TRIM2: variants seen among roughly 807,000 people sequenced by gnomAD.
The protein encoded by TRIM2 is tripartite motif-containing protein 2.
A neutral mutation model predicts 75.2 loss-of-function variants in TRIM2; 20 were observed. That is an observed-to-expected ratio of 0.27 (90% CI 0.19 to 0.39). The LOEUF (loss-of-function observed/expected upper bound fraction) is 0.39, where lower values mean the gene tolerates loss of function less well. Ranked by LOEUF, TRIM2 falls within the 10% of genes least tolerant of loss-of-function variation. The pLI is 1.00. For synonymous variants in TRIM2, 373 were observed against 388.3 expected, an observed-to-expected ratio of 0.96 and a Z score of 0.46; for missense variants, 660 against 990.8, an observed-to-expected ratio of 0.67 and a Z score of 4.48.
intron 11 of TRIM2, among the ~76,000 whole-genome samples, chr4:153,331,379 C>A (rs1047549828): frequency 3.3e-5 from 5 of 151,860 alleles, no homozygotes; most frequent in Non-Finnish European, 7.4e-5. Context: ...ACAGTGAAAA[C>A]CAAAATTAAA....
chr4:153,170,130 G>C (rs1422512247), intron 1 of TRIM2, among the ~76,000 whole-genome samples: 2 of 152,082 alleles, frequency 1.3e-5, no homozygotes, highest in Admixed American at 6.6e-5. Context: ...GAAGAAGAAG[G>C]AGAAGGAGGA....
intron 6 of TRIM2, among the ~76,000 whole-genome samples, chr4:153,314,910 C>A (rs1767261364): frequency 6.6e-6 from 1 of 152,128 alleles, no homozygotes; most frequent in Non-Finnish European, 1.5e-5. Context: ...AAATAAGGCC[C>A]TTTCCTGTTG....
intron 1 of TRIM2, among the ~76,000 whole-genome samples, chr4:153,153,610 CT>C (rs1168782577): frequency 6.6e-6 from 1 of 152,240 alleles, no homozygotes; most frequent in Non-Finnish European, 1.5e-5. Context: ...CTTTCCGGCC[CT>C]TTTTGAAGAT....
chr4:153,235,941 C>T (rs1470173663), intron 1 of TRIM2, among the ~76,000 whole-genome samples: 1 of 152,142 alleles, frequency 6.6e-6, no homozygotes, highest in Non-Finnish European at 1.5e-5. Flanking sequence ...CCCCTAGATT[C>T]TAAGTCTCCT....
At chr4:153,294,604 G>A in intron 5 of TRIM2, 119 bp downstream of exon 5, 2 of 1,056,912 alleles carry the variant, frequency 1.9e-6, no homozygotes, top group South Asian at 2.2e-5. Flanking sequence ...GTAAACTATA[G>A]TTTTCACTGA....
At chr4:153,245,534 T>G (rs540118536) in intron 1 of TRIM2, among the ~76,000 whole-genome samples, 131 of 152,370 alleles carry the variant, frequency 8.6e-4, no homozygotes, top group African/African-American at 3.0e-3. Context: ...GGTTTTTATG[T>G]GTTTAAATAA....
At chr4:153,234,337 G>A (rs993814042) in intron 1 of TRIM2, among the ~76,000 whole-genome samples, 5 of 152,194 alleles carry the variant, frequency 3.3e-5, no homozygotes, top group East Asian at 3.8e-4. Context: ...GTTGGATAGC[G>A]ATTCTCAAAC....
chr4:153,276,140 T>A lies in TRIM2; in HGVS notation c.453+10T>A, dbSNP rs1472989323. On this transcript the variant is annotated intron_variant, in intron 3 of 11. Coordinates refer to ENST00000338700, the MANE Select transcript of TRIM2 (RefSeq NM_015271.5). ...AAACCACGATGGGAATGTAAGTGGCTGGGATGGCAGATACTGCCCGGGAGC... is the reference window on the plus strand; with the variant it reads ...AAACCACGATGGGAATGTAAGTGGCAGGGATGGCAGATACTGCCCGGGAGC... The A allele has an allele frequency of 1.9e-6, 3 of 1,611,676 alleles. No homozygotes were observed. Among genetic ancestry groups the A allele is most frequent in the Non-Finnish European group, 2.5e-6 (3 of 1,177,802 alleles).
intron 1 of TRIM2, among the ~76,000 whole-genome samples, chr4:153,259,811 G>C (rs764345066): frequency 6.6e-6 from 1 of 152,164 alleles, no homozygotes; most frequent in Non-Finnish European, 1.5e-5. Flanking sequence ...TTTCCTCATA[G>C]AAATTGGAGC....
chr4:153,293,185 GC>G, intron 4 of TRIM2, 52 bp downstream of exon 4: 1 of 1,539,076 alleles, frequency 6.5e-7, no homozygotes, highest in African/African-American at 1.4e-5. Flanking sequence ...TTGAGGCCTG[GC>G]CTCATGGCCT....
intron 1 of TRIM2, among the ~76,000 whole-genome samples, chr4:153,269,387 A>G (rs536952501): frequency 2.0e-5 from 3 of 152,298 alleles, no homozygotes; most frequent in East Asian, 3.9e-4. Context: ...AGTGTTTAAG[A>G]GACTTCTCTT....
intron 1 of TRIM2, among the ~76,000 whole-genome samples, chr4:153,158,728 G>A (rs934324666): frequency 1.2e-4 from 18 of 152,202 alleles, no homozygotes; most frequent in African/African-American, 4.3e-4. Flanking sequence ...GGCTAGAAGA[G>A]GGGAAACTGA....
chr4:153,303,360 C>G (rs1199253489), intron 6 of TRIM2, among the ~76,000 whole-genome samples: 1 of 151,588 alleles, frequency 6.6e-6, no homozygotes, highest in African/African-American at 2.4e-5. Context: ...GTAATCCCAG[C>G]TACCTGGGAG....
chr4:153,293,266 T>C, intron 4 of TRIM2, 133 bp downstream of exon 4: 1 of 925,394 alleles, frequency 1.1e-6, no homozygotes, highest in East Asian at 2.7e-5. Flanking sequence ...ATAAGTTCTT[T>C]TATCATGGAT....
intron 1 of TRIM2, among the ~76,000 whole-genome samples, chr4:153,239,834 C>CT (rs372940429): frequency 0.18 from 21,494 of 117,542 alleles, 2,132 homozygotes; most frequent in Non-Finnish European, 0.25. Context: ...CTTTCTTTCT[C>CT]TTTTTTTTTT....
intron 1 of TRIM2, among the ~76,000 whole-genome samples, chr4:153,240,780 A>G (rs1454537947): frequency 6.6e-6 from 1 of 152,220 alleles, no homozygotes; most frequent in African/African-American, 2.4e-5. Context: ...CAGTAAGTAT[A>G]TTAAAATCGT....
intron 1 of TRIM2, among the ~76,000 whole-genome samples, chr4:153,259,995 G>A (rs904274615): frequency 1.3e-5 from 2 of 152,042 alleles, no homozygotes; most frequent in African/African-American, 4.8e-5. Context: ...TTTTGTTATT[G>A]TCTTTAAACA....
At chr4:153,223,081 C>T (rs1741099021) in intron 1 of TRIM2, 2 of 152,130 alleles carry the variant, frequency 1.3e-5, no homozygotes, top group South Asian at 2.1e-4. Flanking sequence ...CCCTCCCGCC[C>T]GGGCAAGGTC....
At chr4:153,260,555 T>A (rs549177667) in intron 1 of TRIM2, among the ~76,000 whole-genome samples, 2 of 152,028 alleles carry the variant, frequency 1.3e-5, no homozygotes, top group Non-Finnish European at 2.9e-5. Context: ...GAGGAAGCTG[T>A]CATATATCTG....
Sources: gnomAD v4.1 joint callset for allele counts (sites outside exome capture counted in the v4.1 genomes callset) on GRCh38, gnomAD v4.1.1 for gene constraint, MANE v1.5 for transcripts, NCBI Gene and HGNC (gene_info 2026-07-23, HGNC 2026-07-21) for gene names.